Variants in TNS3 observed in about 807,000 individuals in gnomAD.
The protein encoded by TNS3 is tensin 3.
Under a neutral mutation model 140.9 loss-of-function variants are expected in TNS3, and 45 were observed. The ratio of observed to expected loss-of-function variants is 0.32; its 90% CI spans 0.25 to 0.41. The LOEUF is 0.41. Ranked by LOEUF, TNS3 falls within the 10% of genes least tolerant of loss-of-function variation. TNS3 has a pLI of 1.00. For missense variants in TNS3, 1,716 were observed against 1,906.7 expected (o/e 0.90, Z 1.86); for synonymous variants, 815 against 788.4 (o/e 1.03, Z -0.56).
intron 21 of TNS3, 134 bp downstream of exon 21, chr7:47,304,698 C>T (rs1786642847): frequency 2.2e-6 from 2 of 901,340 alleles, no homozygotes; most frequent in African/African-American, 1.7e-5. Flanking sequence ...TGCCCCGCCC[C>T]ATCTTCAGGC....
chr7:47,369,161 G>C lies in TNS3; in HGVS notation c.1485C>G (p.Thr495=), dbSNP rs1241113145. 1 of 1,614,022 alleles carries C rather than the reference G, an allele frequency of 6.2e-7. No individual in the cohort carries two copies. Among genetic ancestry groups the C allele is most frequent in the African/African-American group, 1.3e-5 (1 of 74,950 alleles). The change falls in exon 17 of 31, where the codon ACC becomes ACG. Residue 495 remains threonine (T), a synonymous_variant. Transcript: ENST00000311160. ...ACTGAGGCCCTTCCGAGGAGGACAG[G>C]GTCCCAAGGCTGTCCACACTGTGCA... ...HDLHSVDSLG[T]LSSSEGPQSA... is the part of the protein sequence containing the mutation.
At position 47,463,831 on chromosome 7, in the gene TNS3, A is replaced by G. The variant is rs544616850; in HGVS notation, c.-76+17272T>C. On this transcript the variant is annotated intron_variant, in intron 4 of 30. Coordinates refer to ENST00000311160, the MANE Select transcript of TNS3 (RefSeq NM_022748.12). ...CTTGGTATTGATTTTGGTGTTACAA[A>G]TAAATTGTATCCAGGAGGCTAATTT... Among the ~76,000 whole-genome samples, 5 of 152,342 alleles carry G rather than the reference A, an allele frequency of 3.3e-5. No individual in the cohort carries two copies. The East Asian group carries it at 9.6e-4, about 29-fold the overall frequency.
At chr7:47,471,935 T>TCAAA (rs1796971458) in intron 4 of TNS3, among the ~76,000 whole-genome samples, 1 of 152,212 alleles carries the variant, frequency 6.6e-6, no homozygotes, top group Admixed American at 6.5e-5. Context: ...GTGGTTGGCT[T>TCAAA]CAAACAAGGC....
rs554275615 is a variant in TNS3, at chr7:47,277,740, C to A, written c.*336G>T. The A allele has an allele frequency of 1.2e-3, 437 of 370,302 alleles. 2 individuals carry two copies. Among genetic ancestry groups the A allele is most frequent in the Middle Eastern group, 4.5e-3 (5 of 1,114 alleles). The allele number at this position is 370,302 out of a possible 1,614,324, so 22.9% of individuals were successfully genotyped here. A position where few individuals can be genotyped will look rare whatever the true frequency, so the allele number is the denominator to read the frequency against. On this transcript the variant is annotated 3_prime_UTR_variant, in exon 31 of 31. Coordinates refer to ENST00000311160, the MANE Select transcript of TNS3 (RefSeq NM_022748.12). ...CCTCATCCCCCGGAATGCTAGTGTG[C>A]CAGGGACATGGGGACCACCTCGTGT...
intron 28 of TNS3, 62 bp downstream of exon 28, chr7:47,283,633 GAA>G (rs1785259029): frequency 2.8e-6 from 4 of 1,438,426 alleles, no homozygotes; most frequent in Non-Finnish European, 3.7e-6. Flanking sequence ...CACTAGGGAA[GAA>G]CAAGAGGAAC....
At chr7:47,517,194 T>C (rs1212268896) in intron 2 of TNS3, among the ~76,000 whole-genome samples, 1 of 152,258 alleles carries the variant, frequency 6.6e-6, no homozygotes, top group East Asian at 1.9e-4. Context: ...GGCTGGCCAA[T>C]GTTGACTGAA....
chr7:47,536,163 C>T (rs1199428521), intron 1 of TNS3, among the ~76,000 whole-genome samples: 1 of 152,200 alleles, frequency 6.6e-6, no homozygotes, highest in Admixed American at 6.5e-5. Flanking sequence ...CAGCGTTTGA[C>T]CACTAAACTT....
chr7:47,473,162 T>C (rs540195173), intron 4 of TNS3, among the ~76,000 whole-genome samples: 1 of 152,288 alleles, frequency 6.6e-6, no homozygotes, highest in South Asian at 2.1e-4. Flanking sequence ...TGACTGAGTG[T>C]CAAGGTAAGA....
intron 16 of TNS3, among the ~76,000 whole-genome samples, chr7:47,392,615 A>G (rs1792592412): frequency 6.6e-6 from 1 of 152,244 alleles, no homozygotes; most frequent in Non-Finnish European, 1.5e-5. Flanking sequence ...TCTGAAGACT[A>G]AAGCCCTGGT....
At chr7:47,469,702 G>A (rs553861231) in intron 4 of TNS3, among the ~76,000 whole-genome samples, 14 of 152,264 alleles carry the variant, frequency 9.2e-5, no homozygotes, top group East Asian at 5.8e-4. Flanking sequence ...GGCTGGGCAC[G>A]GTGGCTCACG....
chr7:47,288,680 G>A (rs1008715350), intron 27 of TNS3, among the ~76,000 whole-genome samples: 5 of 152,182 alleles, frequency 3.3e-5, no homozygotes, highest in African/African-American at 9.6e-5. Flanking sequence ...ACAGATTTAG[G>A]GGCTGTGGCC....
chr7:47,481,282 A>T, intron 3 of TNS3, 141 bp from the exon 4 acceptor site: 1 of 571,772 alleles, frequency 1.7e-6, no homozygotes, highest in Non-Finnish European at 2.8e-6. Context: ...ATCAAGACTG[A>T]CAAGATTTAG....
intron 17 of TNS3, among the ~76,000 whole-genome samples, chr7:47,350,541 A>G (rs1429647796): frequency 6.6e-6 from 1 of 152,186 alleles, no homozygotes; most frequent in Non-Finnish European, 1.5e-5. Flanking sequence ...AAGAAGAGAG[A>G]GGGCAGCTTG....
intron 4 of TNS3, among the ~76,000 whole-genome samples, chr7:47,460,041 G>A (rs1416150156): frequency 6.6e-6 from 1 of 151,822 alleles, no homozygotes; most frequent in African/African-American, 2.4e-5. Flanking sequence ...GTGAAACCTC[G>A]TCTCTACTAA....
chr7:47,492,038 T>G (rs1797833808), intron 3 of TNS3, among the ~76,000 whole-genome samples: 1 of 152,214 alleles, frequency 6.6e-6, no homozygotes, highest in South Asian at 2.1e-4. Context: ...ATGTTTAACA[T>G]ACAAGTTAAA....
chr7:47,300,829 C>T (rs1276474224), intron 23 of TNS3, among the ~76,000 whole-genome samples: 1 of 152,232 alleles, frequency 6.6e-6, no homozygotes, highest in Non-Finnish European at 1.5e-5. Context: ...AGGCACACAG[C>T]ATCCGGCCGC....
chr7:47,279,847 G>A, intron 30 of TNS3: 1 of 432,794 alleles, frequency 2.3e-6, no homozygotes, highest in Non-Finnish European at 4.2e-6. Flanking sequence ...TTCTAGCTGT[G>A]CAGACCTCAG....
Position 47,369,155 on chromosome 7 carries a change from G to A in TNS3, c.1491C>T (p.Ser497=), listed in dbSNP as rs1254520879. Residue 497 remains serine (S), a synonymous_variant, in exon 17 of 31, where the codon TCC becomes TCT. Transcript: ENST00000311160. ...GGGCCGACTGAGGCCCTTCCGAGGA[G>A]GACAGGGTCCCAAGGCTGTCCACAC... ...LHSVDSLGTL[S]SSEGPQSAHL... The A allele has an allele frequency of 3.7e-6, 6 of 1,613,994 alleles. No individual in the cohort carries two copies. Among genetic ancestry groups the A allele is most frequent in the East Asian group, 4.5e-5 (2 of 44,900 alleles).
At chr7:47,412,231 T>C (rs1793814029) in intron 12 of TNS3, among the ~76,000 whole-genome samples, 1 of 152,246 alleles carries the variant, frequency 6.6e-6, no homozygotes, top group African/African-American at 2.4e-5. Context: ...TTGTTTCCTT[T>C]ACTGACTTTT....
Sources: allele counts gnomAD v4.1 joint callset (sites outside exome capture counted in the v4.1 genomes callset), GRCh38; gene constraint gnomAD v4.1.1; transcripts MANE v1.5; gene names NCBI Gene and HGNC (gene_info 2026-07-23, HGNC 2026-07-21).